Variants in PTPRD observed in about 807,000 individuals in gnomAD.
The protein encoded by PTPRD is receptor-type tyrosine-protein phosphatase delta.
Under a neutral mutation model 214.5 loss-of-function variants are expected in PTPRD, and 34 were observed. The ratio of observed to expected loss-of-function variants is 0.16; its 90% CI spans 0.12 to 0.21. The LOEUF is 0.21. Ranked by LOEUF, PTPRD falls within the 10% of genes least tolerant of loss-of-function variation. PTPRD has a pLI of 1.00. For synonymous variants in PTPRD, 1,128 were observed against 845.7 expected (o/e 1.33, Z -5.79); for missense variants, 2,545 against 2,398.7 (o/e 1.06, Z -1.27).
chr9:9,425,015 T>C (rs766626162), intron 8 of PTPRD, among the ~76,000 whole-genome samples: 17 of 152,152 alleles, frequency 1.1e-4, no homozygotes, highest in Non-Finnish European at 2.2e-4. Flanking sequence ...AGTGTTATTA[T>C]ATCAGTTCTT....
At chr9:9,964,950 TGC>T (rs2094584458) in intron 4 of PTPRD, among the ~76,000 whole-genome samples, 1 of 152,168 alleles carries the variant, frequency 6.6e-6, no homozygotes, top group Admixed American at 6.6e-5. Flanking sequence ...TTCTCTTACT[TGC>T]AAGTAAAATA....
chr9:9,794,874 T>G (rs1052598906), intron 5 of PTPRD, among the ~76,000 whole-genome samples: 1 of 152,160 alleles, frequency 6.6e-6, no homozygotes, highest in Non-Finnish European at 1.5e-5. Context: ...TAAATTAGAA[T>G]AAATTGAAGG....
At chr9:8,368,967 C>G (rs2134262900) in intron 39 of PTPRD, among the ~76,000 whole-genome samples, 1 of 152,194 alleles carries the variant, frequency 6.6e-6, no homozygotes, top group African/African-American at 2.4e-5. Flanking sequence ...GAGATGTTGG[C>G]ATTTTTAACA....
At chr9:8,682,284 C>T (rs1403233060) in intron 12 of PTPRD, among the ~76,000 whole-genome samples, 3 of 152,166 alleles carry the variant, frequency 2.0e-5, no homozygotes, top group African/African-American at 7.2e-5. Context: ...ACTTCGACTC[C>T]TACCGGGATA....
intron 7 of PTPRD, among the ~76,000 whole-genome samples, chr9:9,705,150 T>C (rs1222909061): frequency 6.6e-6 from 1 of 152,202 alleles, no homozygotes; most frequent in Non-Finnish European, 1.5e-5. Context: ...GGCTGAATCT[T>C]TGCTCAAATA....
intron 3 of PTPRD, among the ~76,000 whole-genome samples, chr9:10,093,066 C>G (rs2098448554): frequency 6.6e-6 from 1 of 151,450 alleles, no homozygotes; most frequent in Non-Finnish European, 1.5e-5. Flanking sequence ...ATCAAGTCCC[C>G]AAAAGCAATT....
intron 7 of PTPRD, among the ~76,000 whole-genome samples, chr9:9,716,470 A>G (rs1248022948): frequency 1.3e-5 from 2 of 151,936 alleles, no homozygotes; most frequent in African/African-American, 2.4e-5. Context: ...AGTCCCACCA[A>G]CAGTGTAAAA....
At chr9:8,503,141 A>G (rs778074729) in intron 23 of PTPRD, among the ~76,000 whole-genome samples, 20 of 152,076 alleles carry the variant, frequency 1.3e-4, no homozygotes, top group Non-Finnish European at 2.8e-4. Context: ...TCATGCTTTA[A>G]AGAGGGAAAA....
intron 14 of PTPRD, among the ~76,000 whole-genome samples, chr9:8,594,996 G>A (rs1203032006): frequency 6.6e-6 from 1 of 150,872 alleles, no homozygotes; most frequent in Non-Finnish European, 1.5e-5. Flanking sequence ...CTGAGTAGCT[G>A]GAACTACAGG....
chr9:9,392,035 A>T (rs527818804), intron 9 of PTPRD, among the ~76,000 whole-genome samples: 2 of 152,150 alleles, frequency 1.3e-5, no homozygotes, highest in Admixed American at 6.5e-5. Flanking sequence ...GAGGTGGTGG[A>T]AAGTACCAAA....
intron 3 of PTPRD, among the ~76,000 whole-genome samples, chr9:10,165,235 C>A (rs557605137): frequency 4.0e-5 from 6 of 151,636 alleles, no homozygotes; most frequent in Admixed American, 3.3e-4. Flanking sequence ...GAAGTAACAT[C>A]AAGTTAATCT....
chr9:9,833,948 G>A (rs1484180971), intron 5 of PTPRD, among the ~76,000 whole-genome samples: 6 of 151,826 alleles, frequency 4.0e-5, no homozygotes, highest in African/African-American at 7.3e-5. Flanking sequence ...TGTAGTTAAC[G>A]CAATTATTAC....
chr9:8,597,996 T>C (rs1407348914), intron 14 of PTPRD, among the ~76,000 whole-genome samples: 1 of 152,188 alleles, frequency 6.6e-6, no homozygotes, highest in African/African-American at 2.4e-5. Context: ...TATAAACATC[T>C]CTCATTTTGG....
intron 9 of PTPRD, among the ~76,000 whole-genome samples, chr9:9,249,730 T>A (rs2099974665): frequency 6.6e-6 from 1 of 152,084 alleles, no homozygotes; most frequent in South Asian, 2.1e-4. Context: ...GTCACTGTCT[T>A]TGTCAAGGAA....
intron 7 of PTPRD, among the ~76,000 whole-genome samples, chr9:9,598,852 C>A (rs1438807619): frequency 6.6e-6 from 1 of 151,990 alleles, no homozygotes; most frequent in African/African-American, 2.4e-5. Flanking sequence ...TAATTCTCAG[C>A]TGTGCCATTT....
chr9:9,859,004 G>A (rs919175662), intron 5 of PTPRD, among the ~76,000 whole-genome samples: 2 of 152,096 alleles, frequency 1.3e-5, no homozygotes, highest in African/African-American at 4.8e-5. Context: ...ACCTGTCTAG[G>A]GAGGGACCTA....
At chr9:9,630,981 T>G (rs969248252) in intron 7 of PTPRD, among the ~76,000 whole-genome samples, 1 of 152,138 alleles carries the variant, frequency 6.6e-6, no homozygotes, top group Non-Finnish European at 1.5e-5. Flanking sequence ...TATAAATCCC[T>G]TTCATTTTCA....
At chr9:9,773,770 C>G (rs373412294) in intron 5 of PTPRD, among the ~76,000 whole-genome samples, 16 of 152,206 alleles carry the variant, frequency 1.1e-4, no homozygotes, top group African/African-American at 3.6e-4. Context: ...CTGGAACATT[C>G]CAACATCCAA....
At chr9:10,335,009 C>T (rs893874537) in intron 3 of PTPRD, among the ~76,000 whole-genome samples, 10 of 151,678 alleles carry the variant, frequency 6.6e-5, no homozygotes, top group Admixed American at 5.9e-4. Context: ...CATAACAGTT[C>T]TTCCCAAATT....
Sources: allele counts gnomAD v4.1 joint callset (sites outside exome capture counted in the v4.1 genomes callset), GRCh38; gene constraint gnomAD v4.1.1; transcripts MANE v1.5; gene names NCBI Gene and HGNC (gene_info 2026-07-23, HGNC 2026-07-21).